MTUS2: variants seen among roughly 807,000 people sequenced by gnomAD.
MTUS2 encodes microtubule-associated tumor suppressor candidate 2.
MTUS2 carries 40 observed loss-of-function variants against 114.1 expected under a neutral mutation model. The observed-to-expected ratio is 0.35, with a 90% confidence interval of 0.27 to 0.46. The LOEUF is 0.46. Ranked by LOEUF, MTUS2 falls within the 20% of genes least tolerant of loss-of-function variation. The probability of loss-of-function intolerance (pLI) is 1.00; values close to 1 mark genes in which losing one functional copy is unlikely to be tolerated. For missense variants in MTUS2, 1,679 were observed against 1,705.4 expected, an observed-to-expected ratio of 0.98 and a Z score of 0.27; for synonymous variants, 688 against 672.0, an observed-to-expected ratio of 1.02 and a Z score of -0.37.
chr13:28,837,917 T>C (rs934198324), intron 1 of MTUS2, among the ~76,000 whole-genome samples: 4 of 151,634 alleles, frequency 2.6e-5, no homozygotes, highest in African/African-American at 7.3e-5. Context: ...AGATTTACTT[T>C]GCTTGCATTT....
rs116318170 is a variant in MTUS2, at chr13:29,112,470, G to T, written c.2644+11500G>T. Among the ~76,000 whole-genome samples the T allele has an allele frequency of 4.4e-3, 664 of 152,272 alleles. 4 individuals are homozygous for T. Among genetic ancestry groups the T allele is most frequent in the African/African-American group, 0.015 (638 of 41,550 alleles). Reference sequence around the variant, plus strand: ...AGCTTTGAAGTGAGTTTAACAAAATGTATGAAGGCAGAAATCAGGTTACAA... The same window carrying T: ...AGCTTTGAAGTGAGTTTAACAAAATTTATGAAGGCAGAAATCAGGTTACAA... On this transcript the variant is annotated intron_variant, in intron 5 of 15. Coordinates refer to ENST00000612955, the MANE Select transcript of MTUS2 (RefSeq NM_001033602.4).
intron 2 of MTUS2, among the ~76,000 whole-genome samples, chr13:28,997,504 A>G (rs567184687): frequency 1.6e-4 from 25 of 152,296 alleles, no homozygotes; most frequent in South Asian, 8.3e-4. Context: ...AAAGTCTCCC[A>G]TTATTATTGT....
intron 2 of MTUS2, among the ~76,000 whole-genome samples, chr13:29,009,960 C>T (rs1885764974): frequency 6.6e-6 from 1 of 151,998 alleles, no homozygotes; most frequent in Admixed American, 6.5e-5. Flanking sequence ...TCCTGTAATC[C>T]CAGCACTTTG....
intron 2 of MTUS2, among the ~76,000 whole-genome samples, chr13:28,841,661 T>TG (rs1875495765): frequency 9.3e-6 from 1 of 107,480 alleles, no homozygotes; most frequent in Non-Finnish European, 2.3e-5. Context: ...AAGTTAGTTC[T>TG]TTGTGTGTGT....
chr13:29,447,171 G>C (rs1180464114), intron 9 of MTUS2, among the ~76,000 whole-genome samples: 21 of 152,092 alleles, frequency 1.4e-4, no homozygotes, highest in Non-Finnish European at 5.9e-5. Flanking sequence ...TTTCAGATAA[G>C]GTATACTCAA....
rs1345131516 is a variant in MTUS2 at position 29,212,660 on chromosome 13, TTATTATAAAGGA to T, written c.2645-69029_2645-69018del. Among the ~76,000 whole-genome samples, 6 of 152,376 alleles carry T rather than the reference TTATTATAAAGGA, an allele frequency of 3.9e-5. No individual in the cohort carries two copies. In the East Asian group the frequency reaches 1.2e-3, roughly 29 times the overall value. ...AAACATCTTACTTACATTTACCAGT[TTATTATAAAGGA>T]TATTATAAAGGATACAGATGAACAG... On this transcript the variant is annotated intron_variant, in intron 5 of 15. Transcript: ENST00000612955.
chr13:28,880,563 C>T (rs904671339), intron 2 of MTUS2, among the ~76,000 whole-genome samples: 1 of 152,104 alleles, frequency 6.6e-6, no homozygotes, highest in African/African-American at 2.4e-5. Flanking sequence ...GATCAATGTA[C>T]TTAGAAAAAA....
chr13:29,329,632 T>G (rs1593309657), intron 7 of MTUS2, among the ~76,000 whole-genome samples: 1 of 108,650 alleles, frequency 9.2e-6, no homozygotes, highest in Non-Finnish European at 2.0e-5. Context: ...TTTTTTTTTT[T>G]GAGATGAAGT....
chr13:29,200,400 T>C lies in MTUS2; in HGVS notation c.2645-81304T>C, dbSNP rs369178108. ...ATTCTGGTATGTTGTGGCTTTGTTC[T>C]TATTAGTTTTTAAGAACTTATTTAT... On this transcript the variant is annotated intron_variant, in intron 5 of 15. Transcript: ENST00000612955. 1.4e-4 allele frequency among the ~76,000 whole-genome samples: 21 copies of C among 152,250 alleles called. 1 individual carries two copies. In the East Asian group the frequency reaches 2.5e-3, roughly 18 times the overall value.
At chr13:28,975,471 CAGCATCGCCCTCCCCTGCGGCA>C (rs1884051123) in intron 2 of MTUS2, among the ~76,000 whole-genome samples, 1 of 4,756 alleles carries the variant, frequency 2.1e-4, no homozygotes, top group Non-Finnish European at 4.0e-4. Context: ...TCGCCTGCGG[CAGCATCGCCCTCCCCTGCGGCA>C]GCATCGCCCT....
At chr13:29,329,667 G>A (rs564597022) in intron 7 of MTUS2, among the ~76,000 whole-genome samples, 11 of 147,584 alleles carry the variant, frequency 7.5e-5, no homozygotes, top group Non-Finnish European at 1.3e-4. Flanking sequence ...AGGCTGGAGT[G>A]CAGTGGTGTG....
intron 2 of MTUS2, among the ~76,000 whole-genome samples, chr13:28,994,745 GTTGT>G (rs1402570120): frequency 5.3e-5 from 8 of 152,046 alleles, no homozygotes; most frequent in Admixed American, 6.6e-5. Context: ...TTTTGATGGG[GTTGT>G]TTGTTTTTTT....
chr13:29,488,895 A>AT (rs1881846623), intron 11 of MTUS2, among the ~76,000 whole-genome samples: 1 of 152,188 alleles, frequency 6.6e-6, no homozygotes, highest in Non-Finnish European at 1.5e-5. Flanking sequence ...AAGAGGCAGC[A>AT]TTTTACACTT....
At chr13:29,098,362 T>C (rs1422452826) in intron 4 of MTUS2, among the ~76,000 whole-genome samples, 3 of 152,146 alleles carry the variant, frequency 2.0e-5, no homozygotes, top group Middle Eastern at 3.2e-3. Context: ...ATATAGTAAC[T>C]TAGTGTATGA....
At chr13:29,439,187 A>G (rs146941282) in intron 8 of MTUS2, among the ~76,000 whole-genome samples, 3 of 152,354 alleles carry the variant, frequency 2.0e-5, no homozygotes, top group East Asian at 3.9e-4. Context: ...GAGAATTTAT[A>G]TAGCACATCT....
chr13:29,434,001 C>T (rs943739245), intron 8 of MTUS2, among the ~76,000 whole-genome samples: 6 of 152,100 alleles, frequency 3.9e-5, no homozygotes, highest in Non-Finnish European at 8.8e-5. Context: ...AATGGCCCAG[C>T]TCACAGGGTT....
At chr13:29,231,071 C>T (rs7981243) in intron 5 of MTUS2, among the ~76,000 whole-genome samples, 125,512 of 152,134 alleles carry the variant, frequency 0.83, 51,810 homozygotes, top group East Asian at 0.89. Flanking sequence ...TGCTGTGGTT[C>T]AAGCCCCAAG....
chr13:29,048,668 C>T (rs1253426657), intron 4 of MTUS2, among the ~76,000 whole-genome samples: 1 of 152,178 alleles, frequency 6.6e-6, no homozygotes, highest in Non-Finnish European at 1.5e-5. Flanking sequence ...CAAGGTCTTA[C>T]TGTATTGCCC....
chr13:29,344,875 C>T (rs1868511912), intron 7 of MTUS2, among the ~76,000 whole-genome samples: 1 of 152,138 alleles, frequency 6.6e-6, no homozygotes, highest in Non-Finnish European at 1.5e-5. Flanking sequence ...ATTCTCTCAA[C>T]ATTTGTTTGT....
Sources: allele counts gnomAD v4.1 joint callset (sites outside exome capture counted in the v4.1 genomes callset), GRCh38; gene constraint gnomAD v4.1.1; transcripts MANE v1.5; gene names NCBI Gene and HGNC (gene_info 2026-07-23, HGNC 2026-07-21).